RECK: variants seen among roughly 807,000 people sequenced by gnomAD.
RECK encodes the protein reversion inducing cysteine rich protein with kazal motifs, also known as reversion-inducing cysteine-rich protein with Kazal motifs.
A neutral mutation model predicts 115.1 loss-of-function variants in RECK; 69 were observed. The ratio of observed to expected loss-of-function variants is 0.60; its 90% CI spans 0.49 to 0.73. The LOEUF is 0.73. Ranked by LOEUF, RECK falls within the 30% of genes least tolerant of loss-of-function variation. The pLI, the probability that RECK is intolerant of heterozygous loss-of-function variation, is 0.00. For synonymous variants in RECK, 414 were observed against 419.7 expected (o/e 0.99, Z 0.17); for missense variants, 1,047 against 1,203.7 (o/e 0.87, Z 1.93).
In RECK at chr9:36,105,364, A is replaced by T. The variant is rs541679661; in HGVS notation, c.1576+81A>T. On this transcript the variant is annotated intron_variant, in intron 13 of 20. Coordinates refer to ENST00000377966, the MANE Select transcript of RECK (RefSeq NM_021111.3). ...ATAGGAGCTATCTTTCTTTTTTTCA[A>T]TCCTGCTCCTTCTGTAATATAGGGG... is the stretch of plus-strand genomic sequence containing the variant. 2.9e-6 allele frequency: 4 copies of T among 1,399,220 alleles called. No homozygotes were observed. In the East Asian group the frequency reaches 6.9e-5, roughly 24 times the overall value. 86.7% of individuals were successfully genotyped at this position (1,399,220 alleles called of 1,614,324 possible). A position where few individuals can be genotyped will look rare whatever the true frequency, so the allele number is the denominator to read the frequency against.
chr9:36,070,659 C>T (rs1822192679), intron 6 of RECK, among the ~76,000 whole-genome samples: 2 of 152,162 alleles, frequency 1.3e-5, no homozygotes, highest in South Asian at 4.1e-4. Context: ...CAAGTAAAGA[C>T]TTACTGGATT....
At chr9:36,069,275 C>CA (rs550070098) in intron 6 of RECK, among the ~76,000 whole-genome samples, 3 of 152,000 alleles carry the variant, frequency 2.0e-5, no homozygotes, top group Non-Finnish European at 2.9e-5. Flanking sequence ...TGCGGTGGCT[C>CA]ACACCTGTAA....
At chr9:36,114,009 C>T (rs1358197280) in intron 16 of RECK, among the ~76,000 whole-genome samples, 2 of 152,282 alleles carry the variant, frequency 1.3e-5, no homozygotes, top group South Asian at 2.1e-4. Context: ...CATTCAGAGA[C>T]GTGGGATCCT....
chr9:36,065,705 A>T lies in RECK; in HGVS notation c.405+81A>T, dbSNP rs1419399130. 7 of 1,161,810 alleles carry T rather than the reference A, an allele frequency of 6.0e-6. No individual in the cohort carries two copies. In the African/African-American group the frequency reaches 1.1e-4, roughly 19 times the overall value. 72.0% of individuals were successfully genotyped at this position (1,161,810 alleles called of 1,614,324 possible). A position where few individuals can be genotyped will look rare whatever the true frequency, so the allele number is the denominator to read the frequency against. Reference sequence around the variant, plus strand: ...CAAAATTACTTAAATTTTTAAAATGAATTTATTTTTATACAACTTCCCTTT... The same window carrying T: ...CAAAATTACTTAAATTTTTAAAATGTATTTATTTTTATACAACTTCCCTTT... On this transcript the variant is annotated intron_variant, in intron 6 of 20. Coordinates refer to ENST00000377966, the MANE Select transcript of RECK (RefSeq NM_021111.3).
At chr9:36,111,589 T>A (rs1824046044) in intron 15 of RECK, among the ~76,000 whole-genome samples, 1 of 152,102 alleles carries the variant, frequency 6.6e-6, no homozygotes, top group Non-Finnish European at 1.5e-5. Flanking sequence ...AGATGGGGTT[T>A]CTCCATGTTG....
intron 1 of RECK, 68 bp downstream of exon 1, chr9:36,037,166 CGG>C: frequency 1.6e-6 from 1 of 606,594 alleles, no homozygotes; most frequent in Non-Finnish European, 2.1e-6. Flanking sequence ...CAAGATGGCG[CGG>C]GGCAGGGGGC....
intron 2 of RECK, among the ~76,000 whole-genome samples, chr9:36,055,113 AT>A (rs1319066557): frequency 6.6e-6 from 1 of 152,082 alleles, no homozygotes; most frequent in African/African-American, 2.4e-5. Flanking sequence ...TGGTTATTAA[AT>A]TTTTTGCTCT....
intron 17 of RECK, among the ~76,000 whole-genome samples, chr9:36,118,307 C>T (rs1173154820): frequency 6.6e-6 from 1 of 152,162 alleles, no homozygotes; most frequent in Non-Finnish European, 1.5e-5. Context: ...TACCTGTTGG[C>T]TCCAGAGTCT....
intron 20 of RECK, among the ~76,000 whole-genome samples, 181 bp from the exon 21 acceptor site, chr9:36,122,643 A>G (rs1244649911): frequency 6.6e-6 from 1 of 152,186 alleles, no homozygotes; most frequent in Non-Finnish European, 1.5e-5. Flanking sequence ...TAATGCTGCT[A>G]TATTTATGTA....
chr9:36,119,024 C>G (rs1225472818), intron 18 of RECK, 57 bp downstream of exon 18: 3 of 1,512,386 alleles, frequency 2.0e-6, no homozygotes, highest in East Asian at 4.5e-5. Context: ...GCTTATCCAC[C>G]TCCAGAGAGT....
chr9:36,073,914 C>T (rs545935142), intron 6 of RECK, among the ~76,000 whole-genome samples: 1 of 152,254 alleles, frequency 6.6e-6, no homozygotes, highest in South Asian at 2.1e-4. Context: ...GGGAGTACTG[C>T]TTGTTAAATA....
intron 2 of RECK, among the ~76,000 whole-genome samples, chr9:36,054,630 A>G (rs936545387): frequency 6.6e-6 from 1 of 152,194 alleles, no homozygotes; most frequent in Admixed American, 6.5e-5. Flanking sequence ...CTAACACTCA[A>G]AACTCTCAAT....
rs371020244 is a variant in RECK at position 36,069,320 on chromosome 9, A to T, written c.405+3696A>T. Among the ~76,000 whole-genome samples the T allele has an allele frequency of 6.6e-5, 10 of 152,088 alleles. No homozygotes were observed. In the East Asian group the frequency reaches 1.7e-3, roughly 26 times the overall value. ...TTCGGGAGGCTGAGGCGGGTGGATC[A>T]CCTGACGTCAGGAGTTTGAGACCAG... On this transcript the variant is annotated intron_variant, in intron 6 of 20. Coordinates refer to ENST00000377966, the MANE Select transcript of RECK (RefSeq NM_021111.3).
rs563508398 is a variant in RECK, at chr9:36,100,273, T to C, written c.1086-58T>C. The stretch of plus-strand genomic sequence containing the variant: ...CATTAGTATGTCAGGATTTTACTTG[T>C]TGCTTCTCTCTAGAAAATAATTGCC... On this transcript the variant is annotated intron_variant, in intron 10 of 20. Transcript: ENST00000377966. 21 of 1,431,532 alleles carry C rather than the reference T, an allele frequency of 1.5e-5. No individual in the cohort carries two copies. The Admixed American group carries it at 1.7e-4, about 11-fold the overall frequency. The allele number at this position is 1,431,532 out of a possible 1,614,324, so 88.7% of individuals were successfully genotyped here. A position where few individuals can be genotyped will look rare whatever the true frequency, so the allele number is the denominator to read the frequency against.
rs1382445982 is a variant in RECK, at chr9:36,102,906, A to G, written c.1435+676A>G. Among the ~76,000 whole-genome samples, 5 of 151,950 alleles carry G rather than the reference A, an allele frequency of 3.3e-5. No individual in the cohort carries two copies. In the East Asian group the frequency reaches 5.8e-4, roughly 18 times the overall value. On this transcript the variant is annotated intron_variant, in intron 12 of 20. Transcript: ENST00000377966. The stretch of plus-strand genomic sequence containing the variant: ...GGGAGGCAGAGCTTGCAGTGAGCCA[A>G]GATTACACCAATGTACTCCAGGCTG...
chr9:36,066,627 C>A, intron 6 of RECK: 1 of 330,770 alleles, frequency 3.0e-6, no homozygotes, highest in Non-Finnish European at 5.3e-6. Flanking sequence ...AGGAGCCCTG[C>A]TACAGAGAAG....
chr9:36,073,347 A>G (rs1375987463), intron 6 of RECK, among the ~76,000 whole-genome samples: 1 of 151,924 alleles, frequency 6.6e-6, no homozygotes, highest in Non-Finnish European at 1.5e-5. Flanking sequence ...TGATCCTTCC[A>G]GGCACATCAA....
intron 5 of RECK, among the ~76,000 whole-genome samples, chr9:36,064,633 T>C (rs1165105241): frequency 1.3e-5 from 2 of 152,234 alleles, no homozygotes; most frequent in African/African-American, 4.8e-5. Context: ...GACTATCCTA[T>C]AGCCTGAGCA....
At position 36,100,359 on chromosome 9, in the gene RECK, GCACAGTCAGATC is replaced by G. The variant is rs748158128; in HGVS notation, c.1115_1126del (p.Ala372_Gln376delinsGlu). 14 of 1,613,938 alleles carry G rather than the reference GCACAGTCAGATC, an allele frequency of 8.7e-6. No individual in the cohort carries two copies. The highest frequency in any genetic ancestry group is 1.2e-5 in the Non-Finnish European group (14 of 1,179,994). On this transcript the variant is annotated inframe_deletion, in exon 11 of 21. Transcript: ENST00000377966. ...AACAGAACTTTTCAGGAGTTGTAATGCACAGTCAGATCAAGGAGCCATGAATGACATGAAGTT... is the reference window on the plus strand; with the variant it reads ...AACAGAACTTTTCAGGAGTTGTAATGAAGGAGCCATGAATGACATGAAGTT...
Sources: allele counts gnomAD v4.1 joint callset (sites outside exome capture counted in the v4.1 genomes callset), GRCh38; gene constraint gnomAD v4.1.1; transcripts MANE v1.5; gene names NCBI Gene and HGNC (gene_info 2026-07-23, HGNC 2026-07-21).